The following STARD8 variants were observed in gnomAD, a reference collection of about 807,000 sequenced individuals.
STARD8 encodes the protein StAR related lipid transfer domain containing 8.
STARD8 carries 25 observed loss-of-function variants against 69.4 expected under a neutral mutation model. The observed-to-expected ratio is 0.36, with a 90% CI of 0.26 to 0.50. STARD8 has a LOEUF of 0.50. Among genes scored for constraint, STARD8 ranks in the 20% least tolerant of loss-of-function variants. The pLI, the probability that STARD8 is intolerant of heterozygous loss-of-function variation, is 0.96. For synonymous variants in STARD8, 389 were observed against 374.6 expected, an observed-to-expected ratio of 1.04 and a Z score of -0.45; for missense variants, 921 against 932.5, an observed-to-expected ratio of 0.99 and a Z score of 0.16.
intron 1 of STARD8, among the ~76,000 whole-genome samples, chrX:68,652,917 CA>C (rs2079563171): frequency 7.1e-5 from 4 of 56,597 alleles, no homozygotes; most frequent in Non-Finnish European, 1.3e-4. Context: ...CCACACCACA[CA>C]CACACATCAC....
intron 14 of STARD8, 25 bp downstream of exon 14, chrX:68,724,146 C>T (rs769980057): frequency 3.3e-5 from 39 of 1,199,672 alleles, no homozygotes; most frequent in African/African-American, 1.4e-4. Flanking sequence ...ACAGCCTGCT[C>T]GACCCCCTTG....
chrX:68,719,112 T>C, intron 6 of STARD8, 113 bp from the exon 7 acceptor site: 1 of 928,560 alleles, frequency 1.1e-6, no homozygotes, highest in Admixed American at 4.4e-5. Context: ...TGTTCCCAGC[T>C]CCCTGCATTT....
intron 5 of STARD8, among the ~76,000 whole-genome samples, chrX:68,716,677 C>T (rs1412865483): frequency 1.8e-5 from 2 of 110,807 alleles, no homozygotes; most frequent in Non-Finnish European, 3.8e-5. Context: ...GGTGGGGCAG[C>T]CAAGTGACCA....
At chrX:68,716,323 T>G in intron 4 of STARD8, 45 bp from the exon 5 acceptor site, 1 of 1,180,152 alleles carries the variant, frequency 8.5e-7, no homozygotes, top group Non-Finnish European at 1.1e-6. Flanking sequence ...TCTGCCAGGC[T>G]TTGGGGATGG....
Position 68,722,573 on chromosome X carries a change from G to T in STARD8, c.2726G>T (p.Arg909Leu). The change falls in exon 12 of 15, where the codon CGT (arginine) becomes CTT (leucine). Residue 909 changes from arginine to leucine, a missense_variant. Transcript: ENST00000374599. ...GAAGAGAATATCCAGGACCTGCTGCGTGATGCTGCTGAGCGCTTCAAGGGC... is the reference window on the plus strand; with the variant it reads ...GAAGAGAATATCCAGGACCTGCTGCTTGATGCTGCTGAGCGCTTCAAGGGC... ...YMEENIQDLL[R>L]DAAERFKGWM... 8.3e-7 allele frequency: 1 copy of T among 1,212,099 alleles called. No individual in the cohort carries two copies. The highest frequency in any genetic ancestry group is 1.1e-6 in the Non-Finnish European group (1 of 895,645).
At chrX:68,653,011 C>CAG (rs2079567776) in intron 1 of STARD8, among the ~76,000 whole-genome samples, 1 of 10,407 alleles carries the variant, frequency 9.6e-5, no homozygotes, top group Non-Finnish European at 2.0e-4. Context: ...ACACACACCA[C>CAG]CACACACACA....
chrX:68,693,643 T>C, intron 2 of STARD8: 1 of 754,811 alleles, frequency 1.3e-6, no homozygotes, highest in African/African-American at 2.3e-5. Context: ...CCACTTGAGC[T>C]GAGTGGACTC....
At chrX:68,690,832 T>C (rs187971727) in intron 2 of STARD8, among the ~76,000 whole-genome samples, 3 of 112,217 alleles carry the variant, frequency 2.7e-5, no homozygotes. Flanking sequence ...CTTCTCACCA[T>C]ATCTGACGCT....
rs774490476 is a variant in STARD8, at chrX:68,721,528, CCT to C, written c.2249-6_2249-5del. Reference sequence around the variant, plus strand: ...AAGGAAGGCTCTTCTTCCATTGCTTCCTCACAGTCCTCCCCAAGGATCAGTGG... The same window carrying C: ...AAGGAAGGCTCTTCTTCCATTGCTTCCACAGTCCTCCCCAAGGATCAGTGG... On this transcript the variant is annotated splice_region_variant and splice_polypyrimidine_tract_variant and intron_variant, in intron 9 of 14. Coordinates refer to ENST00000374599, the MANE Select transcript of STARD8 (RefSeq NM_001142503.3). 7.4e-6 allele frequency: 9 copies of C among 1,209,348 alleles called. No homozygotes were observed. Among genetic ancestry groups the C allele is most frequent in the Non-Finnish European group, 6.7e-6 (6 of 894,254 alleles).
intron 3 of STARD8, among the ~76,000 whole-genome samples, chrX:68,713,576 C>T (rs762181114): frequency 5.4e-5 from 6 of 111,401 alleles, no homozygotes; most frequent in South Asian, 3.8e-4. Context: ...CAGCAGCATT[C>T]GGTGCCACTG....
At chrX:68,712,069 G>C (rs2080055304) in intron 2 of STARD8, among the ~76,000 whole-genome samples, 2 of 112,709 alleles carry the variant, frequency 1.8e-5, no homozygotes, top group African/African-American at 6.5e-5. Context: ...GCACATCTCT[G>C]CTGGTGCTGG....
intron 2 of STARD8, among the ~76,000 whole-genome samples, chrX:68,706,973 G>A (rs60519670): frequency 0.093 from 10,504 of 112,631 alleles, 1,190 homozygotes; most frequent in African/African-American, 0.32. Flanking sequence ...GCGACTCCTT[G>A]CCTGCCTCCT....
intron 2 of STARD8, among the ~76,000 whole-genome samples, chrX:68,674,846 A>C (rs1000792854): frequency 1.0e-4 from 11 of 107,326 alleles, no homozygotes; most frequent in Non-Finnish European, 2.1e-4. Flanking sequence ...GCAGTGGTGC[A>C]ATCTTGGCTC....
chrX:68,673,090 TG>T (rs2079740079), intron 2 of STARD8, among the ~76,000 whole-genome samples: 1 of 111,664 alleles, frequency 9.0e-6, no homozygotes. Context: ...TTCACCCCCT[TG>T]GCCACTTGGA....
At chrX:68,687,877 G>A (rs933244214) in intron 2 of STARD8, among the ~76,000 whole-genome samples, 11 of 112,279 alleles carry the variant, frequency 9.8e-5, no homozygotes, top group African/African-American at 3.6e-4. Context: ...CCACCTGCCT[G>A]GGATGGGCGT....
At position 68,669,657 on chromosome X, in the gene STARD8, A is replaced by T. The variant is rs757300783; in HGVS notation, c.79+4125A>T. On this transcript the variant is annotated intron_variant, in intron 2 of 14. Coordinates refer to ENST00000374599, the MANE Select transcript of STARD8 (RefSeq NM_001142503.3). Reference sequence around the variant, plus strand: ...CTGGTGGGGTAATAGTTTGCCTGTAACAAGAGCCCCTGCTCGCAACCCAAC... The same window carrying T: ...CTGGTGGGGTAATAGTTTGCCTGTATCAAGAGCCCCTGCTCGCAACCCAAC... Among the ~76,000 whole-genome samples the T allele has an allele frequency of 2.7e-5, 3 of 112,048 alleles. No homozygotes were observed. In the East Asian group the frequency reaches 8.5e-4, roughly 32 times the overall value.
intron 6 of STARD8, 77 bp from the exon 7 acceptor site, chrX:68,719,148 C>A: frequency 9.7e-7 from 1 of 1,026,896 alleles, no homozygotes; most frequent in Non-Finnish European, 1.3e-6. Flanking sequence ...AAAAGGGGAC[C>A]ACAATAACAC....
chrX:68,680,000 G>GGGTTGA (rs2079791399), intron 2 of STARD8, among the ~76,000 whole-genome samples: 1 of 112,162 alleles, frequency 8.9e-6, no homozygotes, highest in African/African-American at 3.2e-5. Flanking sequence ...TTCAAGGCAT[G>GGGTTGA]CCACTGCCAA....
chrX:68,650,481 GGGA>G (rs373796316), intron 1 of STARD8, among the ~76,000 whole-genome samples: 331 of 82,565 alleles, frequency 4.0e-3, no homozygotes, highest in Middle Eastern at 6.8e-3. Flanking sequence ...GGAGGAGGAG[GGGA>G]GGAGGAGGAG....
Sources: gnomAD v4.1 joint callset for allele counts (sites outside exome capture counted in the v4.1 genomes callset) on GRCh38, gnomAD v4.1.1 for gene constraint, MANE v1.5 for transcripts, NCBI Gene and HGNC (gene_info 2026-07-23, HGNC 2026-07-21) for gene names.